Variants in KCNG3 observed in about 807,000 individuals in gnomAD.
The protein encoded by KCNG3 is potassium voltage-gated channel modifier subfamily G member 3.
KCNG3 carries 15 observed loss-of-function variants against 29.0 expected under a neutral mutation model. The ratio of observed to expected loss-of-function variants is 0.52; its 90% CI spans 0.35 to 0.80. The LOEUF (loss-of-function observed/expected upper bound fraction) is 0.80, where lower values mean the gene tolerates loss of function less well. Among genes scored for constraint, KCNG3 ranks in the 30% least tolerant of loss-of-function variants. The probability of loss-of-function intolerance (pLI) is 0.01; values close to 1 mark genes in which losing one functional copy is unlikely to be tolerated. For synonymous variants in KCNG3, 322 were observed against 248.9 expected, an observed-to-expected ratio of 1.29 and a Z score of -2.76; for missense variants, 512 against 605.7, an observed-to-expected ratio of 0.85 and a Z score of 1.62.
the KCNG3 span, among the ~76,000 whole-genome samples, chr2:42,420,160 G>A: frequency 6.6e-6 from 1 of 152,092 alleles, no homozygotes; most frequent in Admixed American, 6.5e-5. Context: ...GGAAGCAGAG[G>A]TTGCAATGAG....
At chr2:42,481,642 G>A (rs1452241869) in intron 1 of KCNG3, among the ~76,000 whole-genome samples, 2 of 152,096 alleles carry the variant, frequency 1.3e-5, no homozygotes, top group East Asian at 1.9e-4. Flanking sequence ...TCTATAAGGC[G>A]CTTCCTGGGC....
the KCNG3 span, among the ~76,000 whole-genome samples, chr2:42,409,699 C>CAAAAAAAAA: frequency 9.6e-5 from 5 of 51,982 alleles, no homozygotes; most frequent in African/African-American, 3.0e-4. Flanking sequence ...GTGCCTGTCT[C>CAAAAAAAAA]AAAAAAAAAA....
the KCNG3 span, among the ~76,000 whole-genome samples, chr2:42,401,193 C>A: frequency 6.8e-6 from 1 of 147,866 alleles, no homozygotes; most frequent in African/African-American, 2.5e-5. Flanking sequence ...TGTATACACA[C>A]ACAGAAAAAT....
chr2:42,489,696 GTAAGGGACAT>G (rs5830730), intron 1 of KCNG3, among the ~76,000 whole-genome samples: 32,781 of 152,028 alleles, frequency 0.22, 3,564 homozygotes, highest in South Asian at 0.29. Context: ...GCATTGCACA[GTAAGGGACAT>G]TTGAGTGGCT....
the KCNG3 span, among the ~76,000 whole-genome samples, chr2:42,400,339 GC>G: frequency 6.6e-6 from 1 of 152,164 alleles, no homozygotes; most frequent in Admixed American, 6.5e-5. Flanking sequence ...CCATGACAGT[GC>G]CCATGAGACA....
chr2:42,451,204 C>CAAAAAA (rs67651134), intron 1 of KCNG3, among the ~76,000 whole-genome samples: 26 of 60,978 alleles, frequency 4.3e-4, no homozygotes, highest in East Asian at 6.2e-4. Context: ...GACTCCAACT[C>CAAAAAA]AAAAAAAAAA....
chr2:42,472,432 G>A (rs977027400), intron 1 of KCNG3, among the ~76,000 whole-genome samples: 3 of 151,972 alleles, frequency 2.0e-5, no homozygotes, highest in Non-Finnish European at 2.9e-5. Context: ...ATCAAAGTCA[G>A]GAGAGTGCCA....
At chr2:42,491,911 T>C (rs1673887391) in intron 1 of KCNG3, among the ~76,000 whole-genome samples, 2 of 152,196 alleles carry the variant, frequency 1.3e-5, no homozygotes, top group Non-Finnish European at 1.5e-5. Flanking sequence ...AACTATAATA[T>C]GCAGTTTGGG....
the KCNG3 span, chr2:42,413,553 C>G: frequency 6.6e-6 from 1 of 152,044 alleles, no homozygotes; most frequent in Admixed American, 6.6e-5. Context: ...CTAGTCATAT[C>G]ACTTACATTT....
Position 42,469,392 on chromosome 2 carries a change from G to A in KCNG3, c.665+23445C>T, listed in dbSNP as rs1325767688. On this transcript the variant is annotated intron_variant, in intron 1 of 1. Coordinates refer to ENST00000306078, the MANE Select transcript of KCNG3 (RefSeq NM_133329.6). ...AGATCAGGCCATTGCACACGAGCCC[G>A]GGTGACAGAGCAAGACTCTGTCTCA... Among the ~76,000 whole-genome samples the A allele has an allele frequency of 6.7e-5, 10 of 150,308 alleles. No homozygotes were observed. The South Asian group carries it at 1.1e-3, about 16-fold the overall frequency.
intron 1 of KCNG3, among the ~76,000 whole-genome samples, chr2:42,460,553 A>G (rs115893223): frequency 0.01 from 1,580 of 152,306 alleles, 24 homozygotes; most frequent in African/African-American, 0.036. Flanking sequence ...TAAGTTCAGA[A>G]GAAGATAAGT....
At chr2:42,434,593 G>A in the KCNG3 span, among the ~76,000 whole-genome samples, 1 of 144,436 alleles carries the variant, frequency 6.9e-6, no homozygotes, top group Admixed American at 7.1e-5. Context: ...TTGAACCCGG[G>A]AGACAGAGGT....
chr2:42,398,251 AT>A, the KCNG3 span, among the ~76,000 whole-genome samples: 3 of 137,210 alleles, frequency 2.2e-5, no homozygotes, highest in Admixed American at 7.1e-5. Flanking sequence ...AAATAAATAA[AT>A]AAATAAATAA....
At chr2:42,471,192 A>G (rs1290287332) in intron 1 of KCNG3, among the ~76,000 whole-genome samples, 9 of 101,818 alleles carry the variant, frequency 8.8e-5, no homozygotes, top group Non-Finnish European at 1.6e-4. Flanking sequence ...GTGTATATAT[A>G]TATATATATT....
chr2:42,428,732 A>G, the KCNG3 span, among the ~76,000 whole-genome samples: 4 of 152,212 alleles, frequency 2.6e-5, no homozygotes, highest in African/African-American at 9.7e-5. Context: ...ACAGCTGCAT[A>G]CTAAGTAATC....
At chr2:42,409,577 ACCTGTAGT>A in the KCNG3 span, among the ~76,000 whole-genome samples, 1 of 151,244 alleles carries the variant, frequency 6.6e-6, no homozygotes, top group Non-Finnish European at 1.5e-5. Flanking sequence ...GGTGGTGTGC[ACCTGTAGT>A]CCCAGCTACT....
At chr2:42,471,418 C>T (rs1314098375) in intron 1 of KCNG3, among the ~76,000 whole-genome samples, 2 of 151,984 alleles carry the variant, frequency 1.3e-5, no homozygotes, top group African/African-American at 2.4e-5. Context: ...TGTTGTATAA[C>T]TGTATTCATA....
At chr2:42,439,244 T>C (rs1196955198), downstream of KCNG3, among the ~76,000 whole-genome samples, 1 of 75,774 alleles carries the variant, frequency 1.3e-5, no homozygotes, top group Admixed American at 1.8e-4. Context: ...GTCAATTATA[T>C]ATTATTGTAT....
intron 1 of KCNG3, among the ~76,000 whole-genome samples, chr2:42,467,467 A>C (rs1181384799): frequency 2.0e-5 from 3 of 152,088 alleles, no homozygotes; most frequent in Non-Finnish European, 4.4e-5. Context: ...CAGGAGTGCA[A>C]GACCAGCCTG....
Sources: gnomAD v4.1 joint callset for allele counts (sites outside exome capture counted in the v4.1 genomes callset) on GRCh38, gnomAD v4.1.1 for gene constraint, MANE v1.5 for transcripts, NCBI Gene and HGNC (gene_info 2026-07-23, HGNC 2026-07-21) for gene names.